The following PRKN variants were observed in gnomAD, a reference collection of about 807,000 sequenced individuals.
PRKN encodes E3 ubiquitin-protein ligase parkin.
Under a neutral mutation model 59.5 loss-of-function variants are expected in PRKN, and 56 were observed. The observed-to-expected ratio is 0.94, with a 90% CI of 0.76 to 1.18. The LOEUF is 1.18. Ranked by LOEUF, PRKN falls within the 50% of genes most tolerant of loss-of-function variation. The probability of loss-of-function intolerance (pLI) is 0.00; values close to 1 mark genes in which losing one functional copy is unlikely to be tolerated. For synonymous variants in PRKN, 250 were observed against 222.1 expected, an observed-to-expected ratio of 1.13 and a Z score of -1.12; for missense variants, 657 against 596.4, an observed-to-expected ratio of 1.10 and a Z score of -1.06.
intron 4 of PRKN, among the ~76,000 whole-genome samples, chr6:162,058,533 C>T (rs1351902334): frequency 2.0e-5 from 3 of 152,204 alleles, no homozygotes; most frequent in African/African-American, 7.2e-5. Flanking sequence ...TAAAAGAAAT[C>T]CATTTCGCTG....
chr6:161,827,312 C>A (rs2128217894), intron 6 of PRKN, among the ~76,000 whole-genome samples: 1 of 152,142 alleles, frequency 6.6e-6, no homozygotes, highest in African/African-American at 2.4e-5. Flanking sequence ...TGAGATTTCC[C>A]AATGGGTTTG....
At chr6:161,831,694 G>A (rs909067730) in intron 6 of PRKN, among the ~76,000 whole-genome samples, 3 of 152,230 alleles carry the variant, frequency 2.0e-5, no homozygotes, top group Non-Finnish European at 2.9e-5. Context: ...GGAATGAAAT[G>A]TAATCTGGGT....
chr6:162,253,494 A>G (rs1193066291), intron 3 of PRKN, among the ~76,000 whole-genome samples: 1 of 152,218 alleles, frequency 6.6e-6, no homozygotes, highest in Admixed American at 6.6e-5. Context: ...GACAAATCCA[A>G]AATAAATAAC....
intron 6 of PRKN, among the ~76,000 whole-genome samples, chr6:161,931,028 G>A (rs1279792376): frequency 6.6e-6 from 1 of 152,224 alleles, no homozygotes; most frequent in African/African-American, 2.4e-5. Flanking sequence ...TAATATACAT[G>A]TGTTATTTTT....
At position 162,278,944 on chromosome 6, in the gene PRKN, C is replaced by T. The variant is rs140094901; in HGVS notation, c.172-16179G>A. Among the ~76,000 whole-genome samples, 334 of 152,110 alleles carry T rather than the reference C, an allele frequency of 2.2e-3. 3 individuals carry two copies. Among genetic ancestry groups the T allele is most frequent in the African/African-American group, 7.5e-3 (310 of 41,442 alleles). ...TGGAGAAAGGTTGTACAGATATTTG[C>T]TATAAATAGATTTTTTTAAAAAATT... On this transcript the variant is annotated intron_variant, in intron 2 of 11. Coordinates refer to ENST00000366898, the MANE Select transcript of PRKN (RefSeq NM_004562.3).
chr6:162,566,975 G>A (rs189100602), intron 1 of PRKN, among the ~76,000 whole-genome samples: 201 of 152,276 alleles, frequency 1.3e-3, no homozygotes, highest in South Asian at 0.011. Flanking sequence ...GTCAATCAAT[G>A]TGATACATCA....
intron 2 of PRKN, among the ~76,000 whole-genome samples, chr6:162,329,881 C>G (rs76496565): frequency 0.012 from 1,837 of 152,156 alleles, 21 homozygotes; most frequent in Non-Finnish European, 0.019. Context: ...TCAGAGAAAA[C>G]AAAAGTTGGA....
rs1780143820 is a variant in PRKN at position 161,554,182 on chromosome 6, T to G, written c.934-5179A>C. Among the ~76,000 whole-genome samples, 1 of 152,194 alleles carries G rather than the reference T, an allele frequency of 6.6e-6. No homozygotes were observed. Among genetic ancestry groups the G allele is most frequent in the South Asian group, 2.1e-4 (1 of 4,828 alleles). ...ACAGAAGATGACATAATTACAATATTCCATAATTGCTCATTTGCTTTTTCT... is the reference window on the plus strand; with the variant it reads ...ACAGAAGATGACATAATTACAATATGCCATAATTGCTCATTTGCTTTTTCT... On this transcript the variant is annotated intron_variant, in intron 8 of 11. Coordinates refer to ENST00000366898, the MANE Select transcript of PRKN (RefSeq NM_004562.3). This position sits in a 1 kb window ranked among gnomAD's most constrained non-coding sequence, Gnocchi z 4.5.
chr6:162,029,393 ATCAT>A (rs926834581), intron 5 of PRKN, among the ~76,000 whole-genome samples: 2 of 152,144 alleles, frequency 1.3e-5, no homozygotes, highest in Admixed American at 6.5e-5. Context: ...ATGTCTCTCA[ATCAT>A]TAGTAAGGCA....
chr6:161,427,921 CTT>C (rs770904389), intron 9 of PRKN, among the ~76,000 whole-genome samples: 17 of 152,168 alleles, frequency 1.1e-4, no homozygotes, highest in Admixed American at 1.0e-3. Flanking sequence ...TGAAATCACT[CTT>C]GTCGATATAC....
intron 4 of PRKN, among the ~76,000 whole-genome samples, chr6:162,106,569 T>C (rs1780203259): frequency 6.6e-6 from 1 of 152,252 alleles, no homozygotes; most frequent in African/African-American, 2.4e-5. Flanking sequence ...TCTTAGATAC[T>C]TCTTCATTTT....
intron 6 of PRKN, among the ~76,000 whole-genome samples, chr6:161,955,859 AAAAT>A: frequency 6.6e-6 from 1 of 152,358 alleles, no homozygotes; most frequent in African/African-American, 2.4e-5. Flanking sequence ...TCAAAAAATA[AAAAT>A]AAATAAATAA....
intron 6 of PRKN, among the ~76,000 whole-genome samples, chr6:161,820,533 A>C (rs1462131771): frequency 6.8e-6 from 1 of 147,764 alleles, no homozygotes; most frequent in Non-Finnish European, 1.5e-5. Flanking sequence ...AAAAATAAAA[A>C]TTTTATTCAT....
intron 1 of PRKN, among the ~76,000 whole-genome samples, chr6:162,451,748 T>C (rs938508615): frequency 2.6e-5 from 4 of 152,036 alleles, no homozygotes; most frequent in Admixed American, 2.0e-4. Flanking sequence ...TATTAGATAA[T>C]ATCAAATGAT....
At chr6:162,058,539 C>T (rs543756578) in intron 4 of PRKN, among the ~76,000 whole-genome samples, 7 of 152,320 alleles carry the variant, frequency 4.6e-5, no homozygotes, top group African/African-American at 1.4e-4. Context: ...AAATCCATTT[C>T]GCTGTGGTTA....
intron 6 of PRKN, among the ~76,000 whole-genome samples, chr6:161,787,765 C>T (rs926192880): frequency 3.3e-5 from 5 of 152,100 alleles, no homozygotes; most frequent in Non-Finnish European, 5.9e-5. Flanking sequence ...GCTAACACAG[C>T]GAAAGCCCGT....
chr6:162,343,007 T>C (rs1005943654), intron 2 of PRKN, among the ~76,000 whole-genome samples: 3 of 152,168 alleles, frequency 2.0e-5, no homozygotes, highest in African/African-American at 7.2e-5. Context: ...CAAGGATTGA[T>C]GTAAATAACC....
intron 9 of PRKN, among the ~76,000 whole-genome samples, chr6:161,524,339 T>C (rs1778942932): frequency 6.6e-6 from 1 of 152,122 alleles, no homozygotes; most frequent in South Asian, 2.1e-4. Context: ...ATTTCAGAAT[T>C]ATATTTTATT....
At chr6:161,915,560 A>G (rs1346952368) in intron 6 of PRKN, among the ~76,000 whole-genome samples, 1 of 152,214 alleles carries the variant, frequency 6.6e-6, no homozygotes, top group African/African-American at 2.4e-5. Context: ...AAATGTGAGA[A>G]CTGTAATTGA....
Sources: gnomAD v4.1 joint callset for allele counts (sites outside exome capture counted in the v4.1 genomes callset) on GRCh38, gnomAD v4.1.1 for gene constraint, Gnocchi (gnomAD v3.1) non-coding constraint, MANE v1.5 for transcripts, NCBI Gene and HGNC (gene_info 2026-07-23, HGNC 2026-07-21) for gene names.